Variants in LAMP3 observed in about 807,000 individuals in gnomAD.
LAMP3 encodes lysosome-associated membrane glycoprotein 3.
LAMP3 carries 26 observed loss-of-function variants against 34.8 expected under a neutral mutation model. The ratio of observed to expected loss-of-function variants is 0.75; its 90% CI spans 0.55 to 1.04. The LOEUF (loss-of-function observed/expected upper bound fraction) is 1.04, where lower values mean the gene tolerates loss of function less well. Ranked by LOEUF, LAMP3 falls within the 50% of genes least tolerant of loss-of-function variation. LAMP3 has a pLI of 0.00. For synonymous variants in LAMP3, 180 were observed against 201.9 expected (o/e 0.89, Z 0.92); for missense variants, 495 against 524.0 (o/e 0.94, Z 0.54).
chr3:183,151,542 C>G (rs1197075470), intron 3 of LAMP3, among the ~76,000 whole-genome samples: 2 of 151,748 alleles, frequency 1.3e-5, no homozygotes, highest in East Asian at 3.9e-4. Context: ...ATTCTCCTGC[C>G]TCAGCCTCCC....
rs780853344 is a variant in LAMP3 at position 183,140,554 on chromosome 3, C to A, written c.930G>T (p.Leu310Phe). 19 of 1,602,136 alleles carry A rather than the reference C, an allele frequency of 1.2e-5. No individual in the cohort carries two copies. Among genetic ancestry groups the A allele is most frequent in the Admixed American group, 1.7e-5 (1 of 59,842 alleles). The change falls in exon 4 of 6, where the codon TTG becomes TTT. Residue 310 changes from leucine to phenylalanine, a missense_variant. Physicochemically the swap from Leu to Phe is conservative, Grantham distance 22 (BLOSUM62 0). Coordinates refer to ENST00000265598, the MANE Select transcript of LAMP3 (RefSeq NM_014398.4). ...SYYISEVGAYLTVSDPETIYQ... is the reference protein window; with the variant it reads ...SYYISEVGAYFTVSDPETIYQ... ...ATTACTAACCTGGATCTGAGACGGT[C>A]AAATAGGCTCCCACTTCACTGATAT...
Position 183,152,415 on chromosome 3 carries a change from A to C in LAMP3, c.848T>G (p.Leu283Trp), listed in dbSNP as rs140974816. 6.2e-7 allele frequency: 1 copy of C among 1,612,698 alleles called. No individual in the cohort carries two copies. Among genetic ancestry groups the C allele is most frequent in the African/African-American group, 1.3e-5 (1 of 74,822 alleles). The change falls in exon 3 of 6, where the codon TTG becomes TGG. Residue 283 changes from leucine to tryptophan, a missense_variant. Leu to Trp is a moderately conservative substitution (Grantham distance 61). Coordinates refer to ENST00000265598, the MANE Select transcript of LAMP3 (RefSeq NM_014398.4). ...NCGTRKSNLLLNFQGGFVNLT... is the reference protein window; with the variant it reads ...NCGTRKSNLLWNFQGGFVNLT... ...ATTCACAAATCCGCCCTGAAAATTC[A>C]ACAGAAGGTTGGATTTTCGGGTGCC...
At chr3:183,163,177 C>T (rs1237605737), upstream of LAMP3, among the ~76,000 whole-genome samples, 3 of 151,728 alleles carry the variant, frequency 2.0e-5, no homozygotes, top group Non-Finnish European at 1.5e-5. Flanking sequence ...AGGCTGGTCT[C>T]GAGCTCCTGA....
At chr3:183,157,565 C>G (rs902107425) in intron 1 of LAMP3, among the ~76,000 whole-genome samples, 2 of 152,072 alleles carry the variant, frequency 1.3e-5, no homozygotes, top group Admixed American at 1.3e-4. Context: ...AGGAATATCT[C>G]GTGGTGAAAA....
Position 183,123,971 on chromosome 3 carries a change from G to T in LAMP3, c.*110C>A. On this transcript the variant is annotated 3_prime_UTR_variant, in exon 6 of 6. Coordinates refer to ENST00000265598, the MANE Select transcript of LAMP3 (RefSeq NM_014398.4). Reference sequence around the variant, plus strand: ...CACTTCATTTGAATAGAAGATGGTGGTTTACATTGTTTGAAGGACCCACAC... The same window carrying T: ...CACTTCATTTGAATAGAAGATGGTGTTTTACATTGTTTGAAGGACCCACAC... 1 of 1,160,736 alleles carries T rather than the reference G, an allele frequency of 8.6e-7. No individual in the cohort carries two copies. The highest frequency in any genetic ancestry group is 1.3e-6 in the Non-Finnish European group (1 of 790,758). 71.9% of individuals were successfully genotyped at this position (1,160,736 alleles called of 1,614,324 possible). A position where few individuals can be genotyped will look rare whatever the true frequency, so the allele number is the denominator to read the frequency against.
At chr3:183,129,485 T>C (rs548187563) in intron 5 of LAMP3, among the ~76,000 whole-genome samples, 19 of 152,268 alleles carry the variant, frequency 1.2e-4, no homozygotes, top group African/African-American at 3.9e-4. Flanking sequence ...ATAAGGTTTA[T>C]CTGTATTACC....
intron 5 of LAMP3, chr3:183,132,938 T>G (rs1024603851): frequency 2.0e-6 from 2 of 985,308 alleles, no homozygotes; most frequent in Admixed American, 1.2e-4. Flanking sequence ...CCTGTTTCTG[T>G]CACTGAAGCA....
At chr3:183,142,873 G>A (rs1002278657) in intron 3 of LAMP3, among the ~76,000 whole-genome samples, 4 of 152,242 alleles carry the variant, frequency 2.6e-5, no homozygotes, top group Admixed American at 2.6e-4. Context: ...GAGCCCTTCC[G>A]GATGCACAGG....
At chr3:183,125,661 T>A (rs1402010707) in intron 5 of LAMP3, among the ~76,000 whole-genome samples, 2 of 152,240 alleles carry the variant, frequency 1.3e-5, no homozygotes, top group African/African-American at 4.8e-5. Context: ...GTATCTTGTA[T>A]CTTGGGGCAG....
chr3:183,132,023 T>C (rs1719940049), intron 5 of LAMP3: 4 of 985,238 alleles, frequency 4.1e-6, no homozygotes, highest in South Asian at 9.4e-5. Flanking sequence ...GTCTCCCTGC[T>C]CTGTCTCCCT....
In LAMP3 at chr3:183,145,551, C is replaced by T. The variant is rs77837230; in HGVS notation, c.889-4956G>A. 7.3e-4 allele frequency among the ~76,000 whole-genome samples: 111 copies of T among 152,188 alleles called. 1 individual carries two copies. Among genetic ancestry groups the T allele is most frequent in the African/African-American group, 2.5e-3 (103 of 41,518 alleles). On this transcript the variant is annotated intron_variant, in intron 3 of 5. Coordinates refer to ENST00000265598, the MANE Select transcript of LAMP3 (RefSeq NM_014398.4). Reference sequence around the variant, plus strand: ...TATGTTGTTGTCATTGGTAGTATTTCAATTTAAAAAACTACAAATTGGGCT... The same window carrying T: ...TATGTTGTTGTCATTGGTAGTATTTTAATTTAAAAAACTACAAATTGGGCT...
intron 1 of LAMP3, among the ~76,000 whole-genome samples, chr3:183,154,869 T>A (rs1361323103): frequency 6.6e-6 from 1 of 152,168 alleles, no homozygotes; most frequent in Non-Finnish European, 1.5e-5. Flanking sequence ...AATCATATAA[T>A]CCCAGGTTTG....
chr3:183,122,292 C>G lies in LAMP3; in HGVS notation c.*1789G>C, dbSNP rs928383071. The G allele has an allele frequency of 2.4e-4, 36 of 152,180 alleles. No individual in the cohort carries two copies. The highest frequency in any genetic ancestry group is 1.6e-4 in the Non-Finnish European group (11 of 68,036). The allele number at this position is 152,180 out of a possible 1,614,324, so 9.4% of individuals were successfully genotyped here. On this transcript the variant is annotated 3_prime_UTR_variant, in exon 6 of 6. Coordinates refer to ENST00000265598, the MANE Select transcript of LAMP3 (RefSeq NM_014398.4). ...AAGACTAAAGTCAGGACCTTGCCAA[C>G]TTACTGAGTCATAAGGAAACACATG...
upstream of LAMP3, chr3:183,162,825 C>T: frequency 1.6e-6 from 1 of 616,986 alleles, no homozygotes; most frequent in South Asian, 2.1e-5. Flanking sequence ...CCGGCCCCCT[C>T]CTACCCCTAC....
chr3:183,130,767 T>G (rs1006551553), intron 5 of LAMP3, among the ~76,000 whole-genome samples: 7 of 152,202 alleles, frequency 4.6e-5, no homozygotes, highest in Non-Finnish European at 7.3e-5. Context: ...TCCCTCCCTT[T>G]ACTCTTCCCA....
Position 183,154,129 on chromosome 3 carries a change from C to T in LAMP3, c.312G>A (p.Leu104=). ...TATTSPITYT[L]VTTQATPNNS... is the part of the protein sequence containing the mutation. The stretch of plus-strand genomic sequence containing the variant: ...TGTTGGGTGTGGCCTGGGTTGTGAC[C>T]AGGGTGTAGGTAATTGGGCTGGTGG... Residue 104 remains leucine, a synonymous_variant, in exon 2 of 6, where the codon CTG becomes CTA. Transcript: ENST00000265598. 1 of 1,614,000 alleles carries T rather than the reference C, an allele frequency of 6.2e-7. No homozygotes were observed.
At chr3:183,135,615 A>C in intron 5 of LAMP3, 102 bp downstream of exon 5, 1 of 1,111,860 alleles carries the variant, frequency 9.0e-7, no homozygotes, top group Non-Finnish European at 1.3e-6. Flanking sequence ...CAGGAAGCTC[A>C]TGAGATGCTT....
chr3:183,132,357 A>T (rs1719950629), intron 5 of LAMP3: 2 of 958,172 alleles, frequency 2.1e-6, no homozygotes, highest in Non-Finnish European at 2.5e-6. Flanking sequence ...CCAGGAGTTT[A>T]AAATCATTTT....
intron 4 of LAMP3, among the ~76,000 whole-genome samples, chr3:183,139,880 G>A (rs1050112951): frequency 1.3e-5 from 2 of 152,180 alleles, no homozygotes; most frequent in African/African-American, 4.8e-5. Context: ...CACCTAGCAG[G>A]CACTAACTAC....
Sources: gnomAD v4.1 joint callset for allele counts (sites outside exome capture counted in the v4.1 genomes callset) on GRCh38, gnomAD v4.1.1 for gene constraint, MANE v1.5 for transcripts, NCBI Gene and HGNC (gene_info 2026-07-23, HGNC 2026-07-21) for gene names.